Variants in GREM2 observed in about 807,000 individuals in gnomAD.
The protein encoded by GREM2 is gremlin-2.
GREM2 carries 11 observed loss-of-function variants against 14.2 expected under a neutral mutation model. The ratio of observed to expected loss-of-function variants is 0.78; its 90% CI spans 0.49 to 1.28. GREM2 has a LOEUF of 1.28. Ranked by LOEUF, GREM2 falls within the 50% of genes most tolerant of loss-of-function variation. The pLI, the probability that GREM2 is intolerant of heterozygous loss-of-function variation, is 0.00. For missense variants in GREM2, 210 were observed against 218.5 expected (o/e 0.96, Z 0.24); for synonymous variants, 98 against 97.6 (o/e 1.00, Z -0.02).
chr1:240,529,184 T>C (rs1678294167), intron 1 of GREM2, among the ~76,000 whole-genome samples: 1 of 150,524 alleles, frequency 6.6e-6, no homozygotes, highest in Non-Finnish European at 1.5e-5. Context: ...CCCAATGATG[T>C]CATTAAAATC....
chr1:240,600,340 A>T (rs1679898215), intron 1 of GREM2, among the ~76,000 whole-genome samples: 1 of 152,142 alleles, frequency 6.6e-6, no homozygotes, highest in South Asian at 2.1e-4. Flanking sequence ...GCACAGTGTA[A>T]ATTTCCCAGA....
intron 1 of GREM2, among the ~76,000 whole-genome samples, chr1:240,563,063 GTGTA>G (rs555417359): frequency 1.1e-3 from 160 of 149,390 alleles, no homozygotes; most frequent in Non-Finnish European, 2.0e-3. Context: ...TATAGTGAGT[GTGTA>G]TGTGTGTATA....
chr1:240,510,981 A>G (rs1383204357), intron 1 of GREM2, among the ~76,000 whole-genome samples: 2 of 152,246 alleles, frequency 1.3e-5, no homozygotes, highest in African/African-American at 4.8e-5. Flanking sequence ...GAAAACATTA[A>G]TGACAACTAC....
chr1:240,529,947 C>T (rs1678315192), intron 1 of GREM2, among the ~76,000 whole-genome samples: 2 of 152,072 alleles, frequency 1.3e-5, no homozygotes, highest in African/African-American at 2.4e-5. Flanking sequence ...CTTGGGACAC[C>T]GGTTATCCTG....
At chr1:240,563,155 A>T (rs113335668) in intron 1 of GREM2, among the ~76,000 whole-genome samples, 1 of 147,936 alleles carries the variant, frequency 6.8e-6, no homozygotes, top group Non-Finnish European at 1.5e-5. Context: ...GTGAGTGTGT[A>T]TGTGTGTACG....
intron 1 of GREM2, among the ~76,000 whole-genome samples, chr1:240,533,495 T>C (rs1572386595): frequency 6.6e-6 from 1 of 152,070 alleles, no homozygotes; most frequent in South Asian, 2.1e-4. Context: ...AACGAGGGAG[T>C]CCTTTGAGAA....
At chr1:240,521,432 A>G (rs35977972) in intron 1 of GREM2, among the ~76,000 whole-genome samples, 20,910 of 149,028 alleles carry the variant, frequency 0.14, 2,337 homozygotes, top group African/African-American at 0.3. Flanking sequence ...TTAGCCGGGC[A>G]TGGTGAGGGG....
chr1:240,569,443 A>G (rs1279831584), intron 1 of GREM2, among the ~76,000 whole-genome samples: 2 of 152,258 alleles, frequency 1.3e-5, no homozygotes, highest in Non-Finnish European at 2.9e-5. Flanking sequence ...CTGATTTCAA[A>G]ACTTCTTATA....
intron 1 of GREM2, among the ~76,000 whole-genome samples, chr1:240,561,904 A>G (rs959561779): frequency 1.3e-5 from 2 of 152,192 alleles, no homozygotes; most frequent in African/African-American, 4.8e-5. Flanking sequence ...AGAATCTTCA[A>G]ATTGAGGGTT....
intron 1 of GREM2, among the ~76,000 whole-genome samples, chr1:240,496,393 A>G (rs1677418375): frequency 6.6e-6 from 1 of 152,170 alleles, no homozygotes; most frequent in South Asian, 2.1e-4. Context: ...CTTGTGCTCT[A>G]GAGCCTTACC....
intron 1 of GREM2, among the ~76,000 whole-genome samples, chr1:240,494,137 T>C (rs1677346528): frequency 6.6e-6 from 1 of 152,284 alleles, no homozygotes; most frequent in South Asian, 2.1e-4. Context: ...AGTGTTTTAC[T>C]TTGTGCCAAG....
chr1:240,497,655 T>TG (rs1677460360), intron 1 of GREM2, among the ~76,000 whole-genome samples: 2 of 151,802 alleles, frequency 1.3e-5, no homozygotes, highest in Admixed American at 1.3e-4. Flanking sequence ...AAAAAAGTTT[T>TG]TTTTTTTTTG....
At chr1:240,554,769 T>C (rs1678921052) in intron 1 of GREM2, among the ~76,000 whole-genome samples, 2 of 152,248 alleles carry the variant, frequency 1.3e-5, no homozygotes, top group South Asian at 2.1e-4. Flanking sequence ...TTTTCCTTCT[T>C]TGGAATTTCA....
intron 1 of GREM2, among the ~76,000 whole-genome samples, chr1:240,539,872 G>T (rs1437012501): frequency 6.6e-6 from 1 of 152,166 alleles, no homozygotes; most frequent in African/African-American, 2.4e-5. Flanking sequence ...CCACATCTGA[G>T]ACCTTGTGGC....
At chr1:240,569,222 G>A (rs972648227) in intron 1 of GREM2, among the ~76,000 whole-genome samples, 1 of 152,114 alleles carries the variant, frequency 6.6e-6, no homozygotes, top group Non-Finnish European at 1.5e-5. Flanking sequence ...AATGGAGACA[G>A]ACATATCTTG....
intron 1 of GREM2, among the ~76,000 whole-genome samples, chr1:240,528,726 G>A (rs1678282173): frequency 6.6e-6 from 1 of 152,136 alleles, no homozygotes; most frequent in Non-Finnish European, 1.5e-5. Context: ...TGGCTTCTCA[G>A]TTGCAGCCGT....
intron 1 of GREM2, among the ~76,000 whole-genome samples, chr1:240,575,677 C>T (rs753413623): frequency 1.3e-5 from 2 of 151,862 alleles, no homozygotes; most frequent in Non-Finnish European, 1.5e-5. Context: ...CGCACCACCA[C>T]GCCCAGCTAA....
intron 1 of GREM2, among the ~76,000 whole-genome samples, chr1:240,497,651 G>GTTT (rs71498915): frequency 3.5e-5 from 5 of 140,928 alleles, no homozygotes; most frequent in Non-Finnish European, 4.6e-5. Flanking sequence ...GAAAAAAAAA[G>GTTT]TTTTTTTTTT....
At chr1:240,561,919 G>A (rs9428488) in intron 1 of GREM2, among the ~76,000 whole-genome samples, 22,044 of 152,084 alleles carry the variant, frequency 0.14, 4,049 homozygotes, top group African/African-American at 0.43. Context: ...AGGGTTCAGC[G>A]TTGGGAACTA....
Sources: gnomAD v4.1 joint callset for allele counts (sites outside exome capture counted in the v4.1 genomes callset) on GRCh38, gnomAD v4.1.1 for gene constraint, MANE v1.5 for transcripts, NCBI Gene and HGNC (gene_info 2026-07-23, HGNC 2026-07-21) for gene names.